The following WASHC2A variants were observed in gnomAD, a reference collection of about 807,000 sequenced individuals.
WASHC2A encodes WASH complex subunit FAM21A.
Under a neutral mutation model 140.3 loss-of-function variants are expected in WASHC2A, and 82 were observed. The observed-to-expected ratio is 0.58, with a 90% CI of 0.49 to 0.70. WASHC2A has a LOEUF of 0.70. Ranked by LOEUF, WASHC2A falls within the 30% of genes least tolerant of loss-of-function variation. The probability of loss-of-function intolerance (pLI) is 0.00; values close to 1 mark genes in which losing one functional copy is unlikely to be tolerated. For missense variants in WASHC2A, 985 were observed against 1,521.8 expected (o/e 0.65, Z 5.87); for synonymous variants, 340 against 560.8 (o/e 0.61, Z 5.56).
At position 50,110,222 on chromosome 10, in the gene WASHC2A, T is replaced by G; in HGVS notation, c.1991T>G (p.Leu664Arg). 1 of 1,611,846 alleles carries G rather than the reference T, an allele frequency of 6.2e-7. No individual in the cohort carries two copies. Among genetic ancestry groups the G allele is most frequent in the Non-Finnish European group, 8.5e-7 (1 of 1,179,822 alleles). Residue 664 changes from leucine (L) to arginine (R), a missense_variant, in exon 20 of 31, where the codon CTC (leucine) becomes CGC (arginine). Transcript: ENST00000282633. ...GCCAAGGCTGTGAAAAAGACCAGTC[T>G]CTTTGAGGAAGACGAAGAAGATGAT... Reference protein sequence around the residue: ...QEAKAVKKTSLFEEDEEDDLF... With the variant: ...QEAKAVKKTSRFEEDEEDDLF...
intron 3 of WASHC2A, among the ~76,000 whole-genome samples, chr10:50,077,125 A>G (rs1838425214): frequency 6.6e-6 from 1 of 151,378 alleles, no homozygotes. Context: ...TCAAAAAAAA[A>G]AAAAAAGGGC....
Position 50,133,057 on chromosome 10 carries a change from A to T in WASHC2A, c.*112A>T. The T allele has an allele frequency of 6.3e-7, 1 of 1,591,508 alleles. No individual in the cohort carries two copies. Among genetic ancestry groups the T allele is most frequent in the Non-Finnish European group, 8.6e-7 (1 of 1,168,608 alleles). ...ACAAAAAGCAAATACTAGAACAGCT[A>T]GCTCATCGTTCACCCAATGTACTTG... On this transcript the variant is annotated 3_prime_UTR_variant, in exon 31 of 31. Transcript: ENST00000282633.
At chr10:50,076,950 T>C (rs1267378930) in intron 3 of WASHC2A, among the ~76,000 whole-genome samples, 3 of 150,854 alleles carry the variant, frequency 2.0e-5, no homozygotes, top group Non-Finnish European at 4.4e-5. Context: ...CCATCTCTAC[T>C]AAAAATACAA....
In WASHC2A at chr10:50,133,358, G is replaced by A. The variant is rs1443468015; in HGVS notation, c.*413G>A. On this transcript the variant is annotated 3_prime_UTR_variant, in exon 31 of 31. Transcript: ENST00000282633. ...GGCAGGGGAAAGAGAAAGAAGGTGA[G>A]AGATTATACTTCATGAGTCTTAGCA... The A allele has an allele frequency of 6.2e-6, 3 of 482,844 alleles. No individual in the cohort carries two copies. Among genetic ancestry groups the A allele is most frequent in the Non-Finnish European group, 1.3e-5 (3 of 236,812 alleles). 29.9% of individuals were successfully genotyped at this position (482,844 alleles called of 1,614,324 possible). A position where few individuals can be genotyped will look rare whatever the true frequency, so the allele number is the denominator to read the frequency against.
chr10:50,090,515 A>AAAAAAATATATATATATATATAT (rs1214596899), intron 8 of WASHC2A, among the ~76,000 whole-genome samples: 9 of 108,760 alleles, frequency 8.3e-5, no homozygotes, highest in African/African-American at 2.9e-4. Flanking sequence ...AAAAAAAAAA[A>AAAAAAATATATATATATATATAT]ATATATATAT....
Position 50,068,194 on chromosome 10 carries a change from C to G in WASHC2A, c.93C>G (p.Ser31Arg). ...GGTCGGTGGAGGAGATCCGCAGGAG[C>G]AGCCAGAGCTGGTCGCTGGCGGCCG... Reference protein sequence around the residue: ...RPWSVEEIRRSSQSWSLAADA... With the variant: ...RPWSVEEIRRRSQSWSLAADA... The change falls in exon 2 of 31, where the codon AGC (serine) becomes AGG (arginine). Residue 31 changes from serine (S) to arginine (R), a missense_variant. By Grantham distance (110) the Ser-to-Arg change is moderately radical (BLOSUM62 -1). Coordinates refer to ENST00000282633, the MANE Select transcript of WASHC2A (RefSeq NM_001005751.3). The G allele has an allele frequency of 1.3e-6, 2 of 1,595,312 alleles. No homozygotes were observed. The highest frequency in any genetic ancestry group is 1.7e-6 in the Non-Finnish European group (2 of 1,171,376).
At position 50,095,730 on chromosome 10, in the gene WASHC2A, G is replaced by C. The variant is rs1239252116; in HGVS notation, c.1372G>C (p.Asp458His). 1.2e-5 allele frequency: 19 copies of C among 1,611,366 alleles called. No individual in the cohort carries two copies. The African/African-American group carries it at 1.9e-4, about 16-fold the overall frequency. The stretch of plus-strand genomic sequence containing the variant: ...CCTCTTTGATGATGATGATGGTGAT[G>C]ATGATGACGACTTTTTCTCGGCACC... ...TGLFDDDDGD[D>H]DDDFFSAPHS... Residue 458 changes from aspartate (D) to histidine (H), a missense_variant, in exon 15 of 31, where the codon GAT becomes CAT. By Grantham distance (81) the Asp-to-His change is moderately conservative. Transcript: ENST00000282633.
intron 7 of WASHC2A, 27 bp from the exon 8 acceptor site, chr10:50,087,248 C>T (rs1839466784): frequency 6.2e-7 from 1 of 1,613,858 alleles, no homozygotes; most frequent in African/African-American, 1.3e-5. Context: ...GCCCATTTAA[C>T]AACAAAGCCT....
Position 50,110,018 on chromosome 10 carries a change from C to T in WASHC2A, c.1870-83C>T, listed in dbSNP as rs1403187674. ...ATCTGCTGATCTCGTGATTCACCCGCCTCGGCCTCCCAAAGTGCTGGGATT... is the reference window on the plus strand; with the variant it reads ...ATCTGCTGATCTCGTGATTCACCCGTCTCGGCCTCCCAAAGTGCTGGGATT... On this transcript the variant is annotated intron_variant, in intron 19 of 30. Coordinates refer to ENST00000282633, the MANE Select transcript of WASHC2A (RefSeq NM_001005751.3). The T allele has an allele frequency of 1.6e-5, 21 of 1,288,564 alleles. No homozygotes were observed. The African/African-American group carries it at 2.2e-4, about 14-fold the overall frequency. The allele number at this position is 1,288,564 out of a possible 1,614,324, so 79.8% of individuals were successfully genotyped here.
At chr10:50,102,581 A>G (rs1436535137) in intron 17 of WASHC2A, among the ~76,000 whole-genome samples, 3 of 151,450 alleles carry the variant, frequency 2.0e-5, no homozygotes, top group Non-Finnish European at 4.4e-5. Context: ...CGGGGAGCAC[A>G]GGGGAAAAAC....
intron 20 of WASHC2A, among the ~76,000 whole-genome samples, chr10:50,112,930 G>A (rs1218882654): frequency 3.3e-4 from 50 of 150,180 alleles, no homozygotes; most frequent in South Asian, 1.5e-3. Context: ...TAGGCATGGC[G>A]GTTCTTTTTG....
chr10:50,074,644 G>C (rs1206272222), intron 3 of WASHC2A, among the ~76,000 whole-genome samples: 2 of 152,124 alleles, frequency 1.3e-5, no homozygotes, highest in African/African-American at 4.8e-5. Context: ...CAGTAGGCCG[G>C]GTGCGGTGGC....
intron 3 of WASHC2A, among the ~76,000 whole-genome samples, chr10:50,073,107 C>G (rs1433664954): frequency 6.6e-6 from 1 of 152,080 alleles, no homozygotes; most frequent in Non-Finnish European, 1.5e-5. Flanking sequence ...GGCCAGTGTT[C>G]TAGTGTCTAA....
intron 19 of WASHC2A, among the ~76,000 whole-genome samples, chr10:50,109,739 C>T (rs1277582827): frequency 9.9e-5 from 15 of 152,250 alleles, no homozygotes; most frequent in South Asian, 2.1e-4. Context: ...TGATTTTACT[C>T]CCCATGTTTT....
chr10:50,110,356 G>A (rs1252768782), intron 20 of WASHC2A, 86 bp downstream of exon 20: 1 of 1,581,614 alleles, frequency 6.3e-7, no homozygotes, highest in African/African-American at 1.3e-5. Flanking sequence ...TTCATCGGGT[G>A]ATTGCTAATC....
chr10:50,104,382 T>TC (rs1306758426), intron 18 of WASHC2A, among the ~76,000 whole-genome samples: 3 of 149,832 alleles, frequency 2.0e-5, no homozygotes, highest in Admixed American at 6.7e-5. Context: ...TTTTTTTTTT[T>TC]CCGAGTTGGA....
chr10:50,122,273 A>C (rs1333021618), intron 23 of WASHC2A, among the ~76,000 whole-genome samples: 2 of 144,932 alleles, frequency 1.4e-5, no homozygotes, highest in Non-Finnish European at 3.0e-5. Flanking sequence ...GATTATCTAC[A>C]TGCAAAGGGA....
intron 7 of WASHC2A, 64 bp downstream of exon 7, chr10:50,085,622 C>G: frequency 1.2e-5 from 3 of 248,780 alleles, no homozygotes; most frequent in Non-Finnish European, 6.6e-6. Context: ...ATGGGCCTAG[C>G]AGGCTAAGTA....
At chr10:50,105,570 G>T (rs1378585219) in intron 18 of WASHC2A, among the ~76,000 whole-genome samples, 4 of 143,462 alleles carry the variant, frequency 2.8e-5, no homozygotes, top group Non-Finnish European at 6.1e-5. Context: ...CCTTAAAGGA[G>T]ACTTCATCCA....
Sources: allele counts gnomAD v4.1 joint callset (sites outside exome capture counted in the v4.1 genomes callset), GRCh38; gene constraint gnomAD v4.1.1; transcripts MANE v1.5; gene names NCBI Gene and HGNC (gene_info 2026-07-23, HGNC 2026-07-21).